Variants in POLA1 observed in about 807,000 individuals in gnomAD.
The protein encoded by POLA1 is DNA polymerase alpha 1, catalytic subunit, also known as DNA polymerase alpha catalytic subunit.
In POLA1, 15 loss-of-function variants were observed where a neutral mutation model predicts 124.0. The observed-to-expected ratio is 0.12, with a 90% CI of 0.08 to 0.19. POLA1 has a LOEUF of 0.19. Among genes scored for constraint, POLA1 ranks in the 10% least tolerant of loss-of-function variants. The pLI is 1.00. For synonymous variants in POLA1, 408 were observed against 389.4 expected (o/e 1.05, Z -0.56); for missense variants, 886 against 1,103.4 (o/e 0.80, Z 2.79).
chrX:24,771,830 A>C (rs1253347608), intron 26 of POLA1, among the ~76,000 whole-genome samples: 2 of 111,816 alleles, frequency 1.8e-5, no homozygotes, highest in Non-Finnish European at 3.8e-5. Context: ...CATGTGATTC[A>C]TCCTAATGGT....
intron 1 of POLA1, among the ~76,000 whole-genome samples, chrX:24,699,192 C>T (rs1287861149): frequency 8.9e-6 from 1 of 112,211 alleles, no homozygotes; most frequent in Non-Finnish European, 1.9e-5. Flanking sequence ...AAAAAAATAA[C>T]AGTGACTTTA....
chrX:24,994,267 G>A (rs1309739768), intron 36 of POLA1, among the ~76,000 whole-genome samples: 1 of 112,710 alleles, frequency 8.9e-6, no homozygotes, highest in Non-Finnish European at 1.9e-5. Flanking sequence ...AAAACCTGTG[G>A]TTGTTCTTTA....
chrX:24,868,522 G>A (rs759820997), intron 34 of POLA1, among the ~76,000 whole-genome samples: 1 of 112,182 alleles, frequency 8.9e-6, no homozygotes, highest in South Asian at 3.7e-4. Flanking sequence ...AGAGGCAAGA[G>A]AGTAACAGTA....
chrX:24,863,589 CT>C lies in POLA1; in HGVS notation c.4047+19913del, dbSNP rs1298787752. ...TCTCCATGTCTGGAAGGACACCCCC[CT>C]CTCCCAGCTTTAATCCAAAAGTCAT... On this transcript the variant is annotated intron_variant, in intron 34 of 36. Coordinates refer to ENST00000379068, the MANE Select transcript of POLA1 (RefSeq NM_001330360.2). Among the ~76,000 whole-genome samples, 3 of 112,059 alleles carry C rather than the reference CT, an allele frequency of 2.7e-5. No homozygotes were observed. The East Asian group carries it at 8.5e-4, about 32-fold the overall frequency.
intron 34 of POLA1, among the ~76,000 whole-genome samples, chrX:24,874,765 A>G (rs981889746): frequency 6.8e-4 from 76 of 111,462 alleles, no homozygotes; most frequent in African/African-American, 2.3e-3. Flanking sequence ...TAGAGATGCA[A>G]ATTCTCAGGC....
intron 12 of POLA1, among the ~76,000 whole-genome samples, chrX:24,725,537 G>A (rs745717572): frequency 1.4e-4 from 15 of 110,885 alleles, no homozygotes; most frequent in Middle Eastern, 4.7e-3. Context: ...CTGAGAAATA[G>A]GGCCCTATTT....
At chrX:24,827,575 A>G (rs2046191978) in intron 32 of POLA1, among the ~76,000 whole-genome samples, 1 of 112,262 alleles carries the variant, frequency 8.9e-6, no homozygotes, top group South Asian at 3.7e-4. Flanking sequence ...TCCCTGCTTC[A>G]TGGAAGATTC....
At chrX:24,694,637 G>A (rs1405899198) in intron 1 of POLA1, among the ~76,000 whole-genome samples, 1 of 112,138 alleles carries the variant, frequency 8.9e-6, no homozygotes, top group African/African-American at 3.2e-5. Context: ...GGGCATTTCG[G>A]ATCCCCTGTA....
Position 24,843,655 on chromosome X carries a change from G to A in POLA1, c.4025G>A (p.Arg1342His), listed in dbSNP as rs147068943. 68 of 1,171,289 alleles carry A rather than the reference G, an allele frequency of 5.8e-5. No individual in the cohort carries two copies. In the African/African-American group the frequency reaches 6.1e-4, roughly 10 times the overall value. ...LSNKLIMDIR[R>H]FIKKYYDGWL... ...AACAAATTGATCATGGACATTAGAC[G>A]TTTCATTAAAAAGTACTATGATGTA... The change falls in exon 34 of 37, where the codon CGT becomes CAT. Residue 1342 changes from arginine (R) to histidine (H), a missense_variant. This residue lies in a region of POLA1 where 313 missense variants were observed against 359.7 expected (regional missense o/e 0.87). Coordinates refer to ENST00000379068, the MANE Select transcript of POLA1 (RefSeq NM_001330360.2).
chrX:24,780,920 A>G (rs1398099486), intron 26 of POLA1, among the ~76,000 whole-genome samples: 1 of 111,854 alleles, frequency 8.9e-6, no homozygotes, highest in Non-Finnish European at 1.9e-5. Context: ...AATTCACCAC[A>G]GAAACTATCT....
At chrX:24,924,442 A>T (rs2047661696) in intron 35 of POLA1, among the ~76,000 whole-genome samples, 1 of 111,637 alleles carries the variant, frequency 9.0e-6, no homozygotes, top group Admixed American at 9.5e-5. Flanking sequence ...TTCCATGGGG[A>T]TATACACATA....
At chrX:24,955,165 T>TG (rs1458317741) in intron 36 of POLA1, among the ~76,000 whole-genome samples, 5 of 109,098 alleles carry the variant, frequency 4.6e-5, no homozygotes, top group African/African-American at 1.7e-4. Context: ...GTTTTTTTTT[T>TG]TTTCTTCTCT....
chrX:24,850,419 A>G (rs1157167044), intron 34 of POLA1, among the ~76,000 whole-genome samples: 1 of 112,613 alleles, frequency 8.9e-6, no homozygotes, highest in African/African-American at 3.2e-5. Context: ...TAATAAGCAA[A>G]TAAGTTCAGA....
chrX:24,912,276 A>G (rs1039778387), intron 35 of POLA1, among the ~76,000 whole-genome samples: 3 of 112,393 alleles, frequency 2.7e-5, no homozygotes, highest in African/African-American at 6.5e-5. Flanking sequence ...GAAGTAATGC[A>G]TAAGAGAAAA....
At chrX:24,786,942 G>A (rs1313833840) in intron 26 of POLA1, among the ~76,000 whole-genome samples, 5 of 107,158 alleles carry the variant, frequency 4.7e-5, no homozygotes, top group African/African-American at 6.8e-5. Flanking sequence ...CACCATAGCC[G>A]CCCTAATTTC....
chrX:24,857,783 A>G (rs2046665062), intron 34 of POLA1, among the ~76,000 whole-genome samples: 1 of 111,722 alleles, frequency 9.0e-6, no homozygotes, highest in Admixed American at 9.5e-5. Context: ...AATACTGCCA[A>G]GTTTTTAAAA....
intron 26 of POLA1, among the ~76,000 whole-genome samples, chrX:24,795,783 T>C (rs11573405): frequency 6.4e-5 from 7 of 109,059 alleles, no homozygotes; most frequent in Non-Finnish European, 1.1e-4. Context: ...TTCTGGGCCA[T>C]GATAGAGGTG....
chrX:24,942,414 G>A (rs2047917876), intron 36 of POLA1, among the ~76,000 whole-genome samples: 1 of 111,966 alleles, frequency 8.9e-6, no homozygotes, highest in African/African-American at 3.2e-5. Flanking sequence ...ATTGCTGAGG[G>A]ATCTCAGCAT....
chrX:24,726,968 A>G lies in POLA1; in HGVS notation c.1428A>G (p.Gly476=), dbSNP rs772095866. 1.2e-5 allele frequency: 14 copies of G among 1,191,729 alleles called. No homozygotes were observed. Among genetic ancestry groups the G allele is most frequent in the Admixed American group, 2.3e-5 (1 of 44,155 alleles). Residue 476 remains glycine, a synonymous_variant, in exon 14 of 37, where the codon GGA becomes GGG. Transcript: ENST00000379068. ...CACAGCTTCCTCAAGATTTGAAAGG[A>G]GAAACTTTTTCTCATGTATTTGGGA... is the stretch of plus-strand genomic sequence containing the variant. ...EMPQLPQDLK[G]ETFSHVFGTN... is the part of the protein sequence containing the mutation.
Sources: allele counts gnomAD v4.1 joint callset (sites outside exome capture counted in the v4.1 genomes callset), GRCh38; gene constraint gnomAD v4.1.1; regional missense constraint gnomAD v4.1.1; transcripts MANE v1.5; gene names NCBI Gene and HGNC (gene_info 2026-07-23, HGNC 2026-07-21).